Variants in MAP4K3 observed in about 807,000 individuals in gnomAD.
MAP4K3 encodes the protein mitogen-activated protein kinase kinase kinase kinase 3, also known as MAPK/ERK kinase kinase kinase 3.
Under a neutral mutation model 143.5 loss-of-function variants are expected in MAP4K3, and 94 were observed. That is an observed-to-expected ratio of 0.65 (90% confidence interval 0.55 to 0.78). The LOEUF (loss-of-function observed/expected upper bound fraction) is 0.78. MAP4K3 is among the 30% of genes least tolerant of loss of function. MAP4K3 has a pLI of 0.00. For synonymous variants in MAP4K3, 416 were observed against 347.2 expected, an observed-to-expected ratio of 1.20 and a Z score of -2.20; for missense variants, 1,077 against 1,068.1, an observed-to-expected ratio of 1.01 and a Z score of -0.12.
At chr2:39,344,801 G>A (rs1665239430) in intron 3 of MAP4K3, among the ~76,000 whole-genome samples, 1 of 152,162 alleles carries the variant, frequency 6.6e-6, no homozygotes, top group Non-Finnish European at 1.5e-5. Context: ...ACAGGAAAGG[G>A]ACCTGTGCAA....
intron 2 of MAP4K3, among the ~76,000 whole-genome samples, chr2:39,369,193 G>GTTTTTTTTTTTTTT (rs1553419595): frequency 1.7e-3 from 63 of 37,902 alleles, no homozygotes; most frequent in South Asian, 6.9e-3. Context: ...CTTTGGGCTA[G>GTTTTTTTTTTTTTT]TTTTTTTTTT....
intron 1 of MAP4K3, among the ~76,000 whole-genome samples, chr2:39,383,441 CAT>C (rs1666404714): frequency 6.6e-6 from 1 of 151,990 alleles, no homozygotes; most frequent in Non-Finnish European, 1.5e-5. Context: ...TCCTCTACAA[CAT>C]GTGGGGATTA....
chr2:39,422,349 T>C (rs1667571405), intron 1 of MAP4K3, among the ~76,000 whole-genome samples: 1 of 152,122 alleles, frequency 6.6e-6, no homozygotes, highest in African/African-American at 2.4e-5. Flanking sequence ...TTCTCTGCTA[T>C]ATATCTGACT....
chr2:39,437,262 G>A lies in MAP4K3; in HGVS notation c.-275C>T. On this transcript the variant is annotated 5_prime_UTR_variant, in exon 1 of 34. Transcript: ENST00000263881. ...GAGAACCCTCGCAGCCCCTCGCTCG[G>A]GGTGAAACTCCAACATGGCTTCCGC... The A allele has an allele frequency of 3.9e-6, 1 of 255,714 alleles. No individual in the cohort carries two copies. Among genetic ancestry groups the A allele is most frequent in the South Asian group, 1.6e-4 (1 of 6,442 alleles). 15.8% of individuals were successfully genotyped at this position (255,714 alleles called of 1,614,324 possible).
chr2:39,286,850 A>G lies in MAP4K3; in HGVS notation c.1587+2T>C. 6.3e-7 allele frequency: 1 copy of G among 1,586,120 alleles called. No homozygotes were observed. The highest frequency in any genetic ancestry group is 8.6e-7 in the Non-Finnish European group (1 of 1,164,454). ...GTAGAACTTATGACTATCAATACCT[A>G]CTGGTACATCTTTCTTTTCTTTTCT... On this transcript the variant is annotated splice_donor_variant, in intron 21 of 33. Transcript: ENST00000263881. LOFTEE classifies it high-confidence loss of function.
At chr2:39,398,799 T>G (rs1666878772) in intron 1 of MAP4K3, among the ~76,000 whole-genome samples, 1 of 150,516 alleles carries the variant, frequency 6.6e-6, no homozygotes, top group African/African-American at 2.4e-5. Context: ...TCCCAGCACT[T>G]TGGGAGGCTG....
chr2:39,409,893 C>T (rs1667191131), intron 1 of MAP4K3, among the ~76,000 whole-genome samples: 1 of 152,162 alleles, frequency 6.6e-6, no homozygotes, highest in Non-Finnish European at 1.5e-5. Flanking sequence ...TAAGCAATAA[C>T]TGAAGACTCA....
chr2:39,432,838 G>A (rs910822187), intron 1 of MAP4K3, among the ~76,000 whole-genome samples: 5 of 152,034 alleles, frequency 3.3e-5, no homozygotes, highest in African/African-American at 7.2e-5. Flanking sequence ...CACAGACTAC[G>A]ATGTGAATCC....
chr2:39,292,717 T>C, intron 18 of MAP4K3, 56 bp downstream of exon 18: 1 of 1,395,380 alleles, frequency 7.2e-7, no homozygotes, highest in South Asian at 1.2e-5. Flanking sequence ...GCCAGATTGA[T>C]GAAATCAGGT....
At chr2:39,414,695 G>A (rs1357862013) in intron 1 of MAP4K3, among the ~76,000 whole-genome samples, 3 of 152,122 alleles carry the variant, frequency 2.0e-5, no homozygotes, top group Non-Finnish European at 4.4e-5. Flanking sequence ...CTAACACGGT[G>A]AAACCCCGTC....
At chr2:39,334,760 T>G (rs1683805570) in intron 6 of MAP4K3, among the ~76,000 whole-genome samples, 1 of 152,170 alleles carries the variant, frequency 6.6e-6, no homozygotes, top group Non-Finnish European at 1.5e-5. Context: ...TTTTAAGCTC[T>G]GGGGTTACAA....
At chr2:39,429,271 T>C (rs888888511) in intron 1 of MAP4K3, among the ~76,000 whole-genome samples, 1 of 152,116 alleles carries the variant, frequency 6.6e-6, no homozygotes, top group South Asian at 2.1e-4. Flanking sequence ...AAGCCAGGGA[T>C]AACATTAATT....
At position 39,272,548 on chromosome 2, in the gene MAP4K3, T is replaced by TA. The variant is rs745905093; in HGVS notation, c.1795-7dup. The TA allele has an allele frequency of 9.3e-6, 15 of 1,611,558 alleles. No homozygotes were observed. The highest frequency in any genetic ancestry group is 1.1e-5 in the Non-Finnish European group (13 of 1,178,416). ...GTACACCTTCGAGGGAATAGCTGAT[T>TA]AAAAAAAGGCACAAAGTTTACAAAG... On this transcript the variant is annotated splice_polypyrimidine_tract_variant and splice_region_variant and intron_variant, in intron 24 of 33. Coordinates refer to ENST00000263881, the MANE Select transcript of MAP4K3 (RefSeq NM_003618.4).
intron 13 of MAP4K3, among the ~76,000 whole-genome samples, chr2:39,314,282 G>A (rs1170568948): frequency 1.3e-5 from 2 of 152,092 alleles, no homozygotes; most frequent in African/African-American, 2.4e-5. Context: ...CGCCCGCCTC[G>A]GCCTCCCAAA....
At chr2:39,361,193 T>C (rs773340587) in intron 2 of MAP4K3, among the ~76,000 whole-genome samples, 2 of 152,248 alleles carry the variant, frequency 1.3e-5, no homozygotes, top group East Asian at 1.9e-4. Context: ...TCCCTCTCTC[T>C]CCCACACCCT....
intron 12 of MAP4K3, among the ~76,000 whole-genome samples, chr2:39,322,842 G>A (rs1037418768): frequency 6.6e-5 from 10 of 151,940 alleles, no homozygotes; most frequent in African/African-American, 2.4e-4. Context: ...GCTAATTTTT[G>A]TATTTTTAGT....
At chr2:39,433,254 G>A (rs548688757) in intron 1 of MAP4K3, among the ~76,000 whole-genome samples, 1 of 152,146 alleles carries the variant, frequency 6.6e-6, no homozygotes, top group East Asian at 1.9e-4. Flanking sequence ...CACAGGCTAG[G>A]AATCATTCAC....
Position 39,325,581 on chromosome 2 carries a change from C to A in MAP4K3, c.855G>T (p.Leu285=). The A allele has an allele frequency of 5.0e-6, 8 of 1,613,268 alleles. No homozygotes were observed. The highest frequency in any genetic ancestry group is 6.8e-6 in the Non-Finnish European group (8 of 1,179,754). ...GATCTGGATTATTTACTTTATCCAA[C>A]AGCTCGATTGCCAAAGACCGTGTCA... ...QHLTRSLAIE[L]LDKVNNPDHS... The change falls in exon 12 of 34, where the codon CTG becomes CTT. Residue 285 remains leucine (L), a synonymous_variant. Transcript: ENST00000263881.
chr2:39,367,509 C>T (rs774432040), intron 2 of MAP4K3, among the ~76,000 whole-genome samples: 1 of 151,828 alleles, frequency 6.6e-6, no homozygotes, highest in Non-Finnish European at 1.5e-5. Flanking sequence ...CACTGCACTC[C>T]AGCCTGGGTG....
Sources: allele counts gnomAD v4.1 joint callset (sites outside exome capture counted in the v4.1 genomes callset), GRCh38; gene constraint gnomAD v4.1.1; transcripts MANE v1.5; gene names NCBI Gene and HGNC (gene_info 2026-07-23, HGNC 2026-07-21).